Variants in ADAM32 observed in about 807,000 individuals in gnomAD.
ADAM32 encodes ADAM metallopeptidase domain 32, also known as disintegrin and metalloproteinase domain-containing protein 32.
ADAM32 carries 89 observed loss-of-function variants against 114.9 expected under a neutral mutation model. That is an observed-to-expected ratio of 0.77 (90% CI 0.65 to 0.92). The LOEUF (loss-of-function observed/expected upper bound fraction) is 0.92. ADAM32 is among the 40% of genes least tolerant of loss of function. The pLI is 0.00. For synonymous variants in ADAM32, 285 were observed against 307.5 expected (o/e 0.93, Z 0.77); for missense variants, 870 against 932.8 (o/e 0.93, Z 0.88).
chr8:39,209,661 C>G (rs1259009040), intron 11 of ADAM32, among the ~76,000 whole-genome samples: 2 of 152,154 alleles, frequency 1.3e-5, no homozygotes, highest in African/African-American at 4.8e-5. Context: ...GAGTTAAGAC[C>G]ATGGTCACTG....
At chr8:39,228,151 C>T (rs1809513672) in intron 14 of ADAM32, among the ~76,000 whole-genome samples, 1 of 152,194 alleles carries the variant, frequency 6.6e-6, no homozygotes, top group African/African-American at 2.4e-5. Context: ...ATCAAGGGAA[C>T]ACCCCATGGG....
chr8:39,257,401 G>T (rs1811723608), intron 19 of ADAM32, 58 bp downstream of exon 19: 1 of 1,569,232 alleles, frequency 6.4e-7, no homozygotes, highest in African/African-American at 1.4e-5. Flanking sequence ...CTAGTTATAT[G>T]TAAGACAATA....
intron 24 of ADAM32, 134 bp from the exon 25 acceptor site, chr8:39,284,659 G>A (rs1813663900): frequency 2.1e-6 from 2 of 934,216 alleles, no homozygotes; most frequent in Non-Finnish European, 3.2e-6. Flanking sequence ...AGGCAAAATT[G>A]TAAACATCCT....
chr8:39,276,285 G>C (rs1813065663), intron 22 of ADAM32: 1 of 149,994 alleles, frequency 6.7e-6, no homozygotes, highest in African/African-American at 2.5e-5. Flanking sequence ...GATCACCTGG[G>C]AAGAATTTGT....
chr8:39,253,831 A>C (rs2129450472), intron 17 of ADAM32, among the ~76,000 whole-genome samples: 1 of 151,816 alleles, frequency 6.6e-6, no homozygotes, highest in Admixed American at 6.6e-5. Flanking sequence ...TATCCCTAAT[A>C]GTCAAAATTA....
chr8:39,168,110 T>C (rs1804959865), intron 9 of ADAM32: 1 of 88,844 alleles, frequency 1.1e-5, no homozygotes, highest in African/African-American at 3.2e-5. Flanking sequence ...TTCTATAAAC[T>C]TTTTTTTCTC....
intron 15 of ADAM32, among the ~76,000 whole-genome samples, chr8:39,233,073 C>T (rs1314287670): frequency 1.3e-5 from 2 of 152,004 alleles, no homozygotes; most frequent in Non-Finnish European, 2.9e-5. Context: ...AGTATTGTTA[C>T]CAGAAAGGGG....
chr8:39,177,762 T>A (rs566503918), intron 10 of ADAM32, among the ~76,000 whole-genome samples: 6 of 111,738 alleles, frequency 5.4e-5, no homozygotes, highest in Admixed American at 5.3e-4. Flanking sequence ...TTCTCTTTTG[T>A]TTATGAAGCT....
intron 3 of ADAM32, among the ~76,000 whole-genome samples, chr8:39,144,957 C>T (rs925020596): frequency 6.6e-6 from 1 of 151,966 alleles, no homozygotes; most frequent in Non-Finnish European, 1.5e-5. Flanking sequence ...AACCAATAGA[C>T]AAGTTCAGTG....
At chr8:39,251,167 C>A (rs1215251687) in intron 17 of ADAM32, among the ~76,000 whole-genome samples, 1 of 151,788 alleles carries the variant, frequency 6.6e-6, no homozygotes, top group Non-Finnish European at 1.5e-5. Context: ...GTATTGATTT[C>A]CATTCTTTTG....
chr8:39,243,652 G>T (rs1292053150), intron 16 of ADAM32, among the ~76,000 whole-genome samples: 1 of 152,172 alleles, frequency 6.6e-6, no homozygotes, highest in South Asian at 2.1e-4. Context: ...GGCTGTATAT[G>T]CCAAAGCCGC....
chr8:39,248,313 A>G (rs1451735875), intron 17 of ADAM32, among the ~76,000 whole-genome samples: 1 of 152,180 alleles, frequency 6.6e-6, no homozygotes, highest in Non-Finnish European at 1.5e-5. Context: ...GAGTCTTTCT[A>G]TCCATTCACA....
At position 39,254,415 on chromosome 8, in the gene ADAM32, T is replaced by A. The variant is rs755958581; in HGVS notation, c.1904T>A (p.Val635Glu). The change falls in exon 18 of 25, where the codon GTG becomes GAG. Residue 635 changes from valine (V) to glutamate (E), a missense_variant and splice_region_variant. Coordinates refer to ENST00000379907, the MANE Select transcript of ADAM32 (RefSeq NM_145004.7). ...TTTAATTTTTCAAAATGATCCTAGGTGTGTGATTCCAGAAACAAGTGCCAT... is the reference window on the plus strand; with the variant it reads ...TTTAATTTTTCAAAATGATCCTAGGAGTGTGATTCCAGAAACAAGTGCCAT... ...VCSQQCSGHG[V>E]CDSRNKCHCS... is the part of the protein sequence containing the mutation. 2 of 1,588,252 alleles carry A rather than the reference T, an allele frequency of 1.3e-6. No homozygotes were observed. The highest frequency in any genetic ancestry group is 3.5e-5 in the Admixed American group (2 of 57,496).
At chr8:39,260,934 A>G (rs1249842572) in intron 19 of ADAM32, among the ~76,000 whole-genome samples, 1 of 151,630 alleles carries the variant, frequency 6.6e-6, no homozygotes, top group Non-Finnish European at 1.5e-5. Context: ...TTTTTCATAT[A>G]TTTTTAAATT....
At chr8:39,173,640 T>C (rs974734366) in intron 10 of ADAM32, among the ~76,000 whole-genome samples, 8 of 152,202 alleles carry the variant, frequency 5.3e-5, no homozygotes, top group Non-Finnish European at 7.4e-5. Context: ...ATAGTTTCTT[T>C]TGCTCTGCAG....
chr8:39,184,331 C>G (rs572903674), intron 10 of ADAM32, among the ~76,000 whole-genome samples: 1 of 152,298 alleles, frequency 6.6e-6, no homozygotes, highest in South Asian at 2.1e-4. Context: ...CCTATCATAA[C>G]ATGTCTCACT....
intron 7 of ADAM32, among the ~76,000 whole-genome samples, chr8:39,162,060 T>C (rs1804542616): frequency 6.6e-6 from 1 of 150,604 alleles, no homozygotes; most frequent in South Asian, 2.1e-4. Flanking sequence ...GTGCACAACG[T>C]GCAGGTTTGT....
intron 11 of ADAM32, among the ~76,000 whole-genome samples, chr8:39,202,333 A>G (rs1239950903): frequency 6.6e-6 from 1 of 152,172 alleles, no homozygotes; most frequent in East Asian, 1.9e-4. Context: ...CAGAGATTCA[A>G]CTTCTTCCTG....
chr8:39,200,118 A>T (rs1046623457), intron 11 of ADAM32, among the ~76,000 whole-genome samples: 1 of 152,000 alleles, frequency 6.6e-6, no homozygotes, highest in Non-Finnish European at 1.5e-5. Flanking sequence ...ATGATTTATA[A>T]TCCTTTGGGT....
Sources: allele counts gnomAD v4.1 joint callset (sites outside exome capture counted in the v4.1 genomes callset), GRCh38; gene constraint gnomAD v4.1.1; transcripts MANE v1.5; gene names NCBI Gene and HGNC (gene_info 2026-07-23, HGNC 2026-07-21).